Variants in SPATA7 observed in about 807,000 individuals in gnomAD.
The protein encoded by SPATA7 is spermatogenesis-associated protein 7.
SPATA7 carries 43 observed loss-of-function variants against 51.8 expected under a neutral mutation model. The ratio of observed to expected loss-of-function variants is 0.83; its 90% CI spans 0.65 to 1.07. The LOEUF (loss-of-function observed/expected upper bound fraction) is 1.07, where lower values mean the gene tolerates loss of function less well. Ranked by LOEUF, SPATA7 falls within the 50% of genes least tolerant of loss-of-function variation. The pLI, the probability that SPATA7 is intolerant of heterozygous loss-of-function variation, is 0.00. For synonymous variants in SPATA7, 230 were observed against 252.8 expected (o/e 0.91, Z 0.86); for missense variants, 683 against 701.3 (o/e 0.97, Z 0.30).
At chr14:88,454,175 C>G (rs760269818) in intron 3 of SPATA7, among the ~76,000 whole-genome samples, 4 of 152,172 alleles carry the variant, frequency 2.6e-5, no homozygotes, top group Non-Finnish European at 4.4e-5. Context: ...ATTGCTGGAG[C>G]CACATTCCTC....
intron 5 of SPATA7, among the ~76,000 whole-genome samples, chr14:88,418,845 C>T (rs2076557449): frequency 6.6e-6 from 1 of 152,160 alleles, no homozygotes; most frequent in Admixed American, 6.5e-5. Context: ...TCTGTATCTG[C>T]TTTTTCCTTA....
intron 1 of SPATA7, 29 bp downstream of exon 1, chr14:88,385,866 C>T (rs751152061): frequency 8.2e-6 from 13 of 1,590,562 alleles, no homozygotes; most frequent in East Asian, 2.3e-5. Flanking sequence ...GGGCTACCGC[C>T]GCCTCGCCCC....
intron 10 of SPATA7, among the ~76,000 whole-genome samples, chr14:88,435,423 T>G (rs949497446): frequency 3.3e-5 from 5 of 152,202 alleles, no homozygotes; most frequent in African/African-American, 1.2e-4. Flanking sequence ...ATTTATCCTT[T>G]GAGTTACAAA....
chr14:88,448,034 T>C (rs1323779581), intron 3 of SPATA7, among the ~76,000 whole-genome samples: 5,053 of 150,902 alleles, frequency 0.033, 270 homozygotes, highest in African/African-American at 0.12. Context: ...GTTGGCCTGC[T>C]TTGCTAGATT....
At chr14:88,441,197 T>C (rs2077176390), downstream of SPATA7, among the ~76,000 whole-genome samples, 1 of 152,170 alleles carries the variant, frequency 6.6e-6, no homozygotes, top group South Asian at 2.1e-4. Flanking sequence ...ATTGTGTGTG[T>C]GTGTGTGTAT....
intron 1 of SPATA7, among the ~76,000 whole-genome samples, chr14:88,390,762 G>T (rs2075722025): frequency 6.6e-6 from 1 of 152,100 alleles, no homozygotes; most frequent in Non-Finnish European, 1.5e-5. Context: ...GAGAAATGAG[G>T]TTTTTCTGAG....
At chr14:88,455,644 GATCA>G (rs1227199423), downstream of SPATA7, among the ~76,000 whole-genome samples, 1 of 151,218 alleles carries the variant, frequency 6.6e-6, no homozygotes, top group Non-Finnish European at 1.5e-5. Context: ...TTACATTATT[GATCA>G]GACAGTAGCA....
At chr14:88,465,632 T>G (rs556433872) in intron 4 of SPATA7, 1 of 152,322 alleles carries the variant, frequency 6.6e-6, no homozygotes, top group East Asian at 1.9e-4. Flanking sequence ...AGTGCACATT[T>G]TGATAATTCT....
chr14:88,465,186 G>A (rs2077348396), intron 4 of SPATA7, among the ~76,000 whole-genome samples: 1 of 152,150 alleles, frequency 6.6e-6, no homozygotes, highest in Non-Finnish European at 1.5e-5. Context: ...GGACTTTCTG[G>A]CTGGACACAG....
intron 4 of SPATA7, chr14:88,468,375 T>C: frequency 9.3e-7 from 1 of 1,072,520 alleles, no homozygotes; most frequent in Non-Finnish European, 1.3e-6. Flanking sequence ...GGACAGTCTC[T>C]TTTCCACCTT....
At chr14:88,430,370 C>T (rs2076908460) in intron 8 of SPATA7, among the ~76,000 whole-genome samples, 1 of 152,100 alleles carries the variant, frequency 6.6e-6, no homozygotes, top group African/African-American at 2.4e-5. Context: ...AATATAACTG[C>T]TCTTGAGCCA....
chr14:88,458,637 T>C (rs2077299657), downstream of SPATA7, among the ~76,000 whole-genome samples: 1 of 152,198 alleles, frequency 6.6e-6, no homozygotes, highest in African/African-American at 2.4e-5. Flanking sequence ...TTAGTCTTGC[T>C]AGCAGTCTAT....
chr14:88,455,326 T>A (rs2077277147), downstream of SPATA7: 1 of 227,934 alleles, frequency 4.4e-6, no homozygotes, highest in Non-Finnish European at 9.1e-6. Context: ...GATTGGCACC[T>A]ACTAAGGAAA....
chr14:88,424,977 AT>A (rs1422113755), intron 5 of SPATA7, among the ~76,000 whole-genome samples: 2 of 152,150 alleles, frequency 1.3e-5, no homozygotes, highest in Non-Finnish European at 2.9e-5. Flanking sequence ...TCAGTTTAAA[AT>A]TTTTTATGCT....
intron 9 of SPATA7, among the ~76,000 whole-genome samples, chr14:88,431,433 T>A (rs2076937829): frequency 6.6e-6 from 1 of 152,188 alleles, no homozygotes; most frequent in Admixed American, 6.6e-5. Flanking sequence ...ATCCATCATC[T>A]CGAACATTTT....
intron 4 of SPATA7, chr14:88,467,845 T>G (rs769785720): frequency 1.5e-5 from 5 of 335,428 alleles, no homozygotes; most frequent in Non-Finnish European, 1.6e-5. Flanking sequence ...GAGAATTGTC[T>G]AGAAAATACA....
At chr14:88,390,677 A>C (rs756707802) in intron 1 of SPATA7, among the ~76,000 whole-genome samples, 5 of 152,134 alleles carry the variant, frequency 3.3e-5, no homozygotes, top group Non-Finnish European at 5.9e-5. Context: ...CGCCCAAAGG[A>C]AAGTTGAGTT....
chr14:88,468,890 G>A (rs762162532), intron 4 of SPATA7: 1 of 1,613,686 alleles, frequency 6.2e-7, no homozygotes, highest in Non-Finnish European at 8.5e-7. Flanking sequence ...CACCCAAAAA[G>A]GCCAGGTGAT....
intron 3 of SPATA7, among the ~76,000 whole-genome samples, chr14:88,444,247 G>T (rs1425535122): frequency 4.6e-5 from 7 of 151,758 alleles, no homozygotes; most frequent in Non-Finnish European, 8.8e-5. Flanking sequence ...ATGGTGAGCA[G>T]TTTTTCATGT....
Sources: allele counts gnomAD v4.1 joint callset (sites outside exome capture counted in the v4.1 genomes callset), GRCh38; gene constraint gnomAD v4.1.1; transcripts MANE v1.5; gene names NCBI Gene and HGNC (gene_info 2026-07-23, HGNC 2026-07-21).